Variants in PDZD2 observed in about 807,000 individuals in gnomAD.
PDZD2 encodes the protein PDZ domain containing 2.
Under a neutral mutation model 220.7 loss-of-function variants are expected in PDZD2, and 90 were observed. That is an observed-to-expected ratio of 0.41 (90% CI 0.34 to 0.49). The LOEUF is 0.49. Among genes scored for constraint, PDZD2 ranks in the 20% least tolerant of loss-of-function variants. PDZD2 has a pLI of 0.28. For synonymous variants in PDZD2, 1,375 were observed against 1,450.5 expected (o/e 0.95, Z 1.18); for missense variants, 3,174 against 3,608.5 (o/e 0.88, Z 3.08).
chr5:31,916,459 G>A (rs1743687348), intron 2 of PDZD2, among the ~76,000 whole-genome samples: 1 of 152,258 alleles, frequency 6.6e-6, no homozygotes, highest in Non-Finnish European at 1.5e-5. Context: ...GACAGTGCCT[G>A]TTCATCTTTT....
At chr5:31,945,578 G>C (rs1456595828) in intron 2 of PDZD2, among the ~76,000 whole-genome samples, 1 of 152,070 alleles carries the variant, frequency 6.6e-6, no homozygotes, top group African/African-American at 2.4e-5. Flanking sequence ...CCAAAATTCT[G>C]TCTTTGGGTT....
At chr5:31,959,222 C>A (rs192218575) in intron 2 of PDZD2, among the ~76,000 whole-genome samples, 1 of 150,838 alleles carries the variant, frequency 6.6e-6, no homozygotes, top group South Asian at 2.1e-4. Context: ...TGAGCCACTG[C>A]GCCTGGCAAA....
At chr5:31,788,752 T>C (rs953473289) in intron 1 of PDZD2, among the ~76,000 whole-genome samples, 8 of 152,188 alleles carry the variant, frequency 5.3e-5, no homozygotes, top group African/African-American at 1.9e-4. Flanking sequence ...TAGTTTGTAT[T>C]TGCACTGTTT....
At chr5:31,689,336 C>CATATGCATAT (rs1747009210) in intron 1 of PDZD2, among the ~76,000 whole-genome samples, 1 of 55,224 alleles carries the variant, frequency 1.8e-5, no homozygotes, top group African/African-American at 1.1e-4. Context: ...TATACATATA[C>CATATGCATAT]ATATATATAT....
intron 8 of PDZD2, among the ~76,000 whole-genome samples, chr5:32,051,946 G>A (rs1738596776): frequency 6.6e-6 from 1 of 152,136 alleles, no homozygotes; most frequent in Admixed American, 6.5e-5. Flanking sequence ...ATGGAGGCAG[G>A]GGTGACTACC....
At chr5:31,794,199 C>A (rs1010287401) in intron 1 of PDZD2, among the ~76,000 whole-genome samples, 29 of 152,072 alleles carry the variant, frequency 1.9e-4, no homozygotes, top group African/African-American at 6.5e-4. Flanking sequence ...ACCATAGTTA[C>A]CATCACAGTA....
chr5:32,068,254 CA>C (rs1561494586), intron 14 of PDZD2, among the ~76,000 whole-genome samples: 2 of 152,024 alleles, frequency 1.3e-5, no homozygotes, highest in Non-Finnish European at 2.9e-5. Flanking sequence ...CATGAAAGAC[CA>C]AGGAAGATTC....
Position 32,092,939 on chromosome 5 carries a change from A to G in PDZD2, c.7760A>G (p.Gln2587Arg), listed in dbSNP as rs1743294262. Residue 2587 changes from glutamine (Q) to arginine (R), a missense_variant, in exon 21 of 25, where the codon CAG becomes CGG. Coordinates refer to ENST00000438447, the MANE Select transcript of PDZD2 (RefSeq NM_178140.4). Reference sequence around the variant, plus strand: ...CAACTTCTAGTCTCAGCGGGGGACCAGCAAAGATTACAGTCTGTTTTATCG... The same window carrying G: ...CAACTTCTAGTCTCAGCGGGGGACCGGCAAAGATTACAGTCTGTTTTATCG... ...LDQLLVSAGD[Q>R]QRLQSVLSSV... The G allele has an allele frequency of 6.2e-7, 1 of 1,601,322 alleles. No individual in the cohort carries two copies. The highest frequency in any genetic ancestry group is 1.3e-5 in the African/African-American group (1 of 74,756).
chr5:31,768,333 G>A (rs1484168377), intron 1 of PDZD2, among the ~76,000 whole-genome samples: 1 of 152,126 alleles, frequency 6.6e-6, no homozygotes, highest in Non-Finnish European at 1.5e-5. Context: ...AGATAGATGA[G>A]GCTTCAGGGA....
chr5:31,727,262 T>A (rs759614945), intron 1 of PDZD2, among the ~76,000 whole-genome samples: 1 of 152,226 alleles, frequency 6.6e-6, no homozygotes, highest in South Asian at 2.1e-4. Context: ...ATGAGCTTGA[T>A]GGCTGCTTGA....
chr5:31,693,240 CTTTTT>C (rs10650316), intron 1 of PDZD2, among the ~76,000 whole-genome samples: 2 of 87,768 alleles, frequency 2.3e-5, no homozygotes, highest in Admixed American at 1.6e-4. Context: ...TGGGAAAGCA[CTTTTT>C]TTTTTTTTTT....
At chr5:31,883,271 AG>A (rs751572494) in intron 2 of PDZD2, among the ~76,000 whole-genome samples, 35 of 118,378 alleles carry the variant, frequency 3.0e-4, no homozygotes, top group Admixed American at 9.6e-4. Flanking sequence ...CCCAGGCTGG[AG>A]TGCAGTGGCA....
intron 1 of PDZD2, among the ~76,000 whole-genome samples, chr5:31,744,825 C>G (rs1422852264): frequency 6.6e-6 from 1 of 152,170 alleles, no homozygotes; most frequent in African/African-American, 2.4e-5. Flanking sequence ...AATCCTAGCA[C>G]TTTGGGAAGC....
intron 2 of PDZD2, among the ~76,000 whole-genome samples, chr5:31,826,644 C>A (rs112877498): frequency 0.011 from 1,624 of 151,560 alleles, 31 homozygotes; most frequent in African/African-American, 0.038. Flanking sequence ...CCACTGCACT[C>A]CAGCCCGGGT....
At chr5:31,885,992 C>T (rs192578554) in intron 2 of PDZD2, among the ~76,000 whole-genome samples, 50 of 151,964 alleles carry the variant, frequency 3.3e-4, no homozygotes, top group Non-Finnish European at 5.1e-4. Flanking sequence ...CTCTGCCTCC[C>T]GGGTTCAAGT....
chr5:32,072,316 C>T lies in PDZD2; in HGVS notation c.2724C>T (p.Ser908=), dbSNP rs201809103. The T allele has an allele frequency of 4.3e-6, 7 of 1,609,972 alleles. No homozygotes were observed. In the African/African-American group the frequency reaches 9.3e-5, roughly 21 times the overall value. Residue 908 remains serine, a splice_region_variant and synonymous_variant, in exon 17 of 25, where the codon TCC becomes TCT. Transcript: ENST00000438447. The part of the protein sequence containing the change: ...SEEGSLPPST[S]THKEPGKPRA... ...AGGGCAGCCTGCCTCCCAGCACCTC[C>T]AGTAAGCAGGGGTGCCCCAGAGGGC...
intron 1 of PDZD2, among the ~76,000 whole-genome samples, chr5:31,674,052 C>G (rs1487811218): frequency 6.6e-6 from 1 of 152,210 alleles, no homozygotes; most frequent in Non-Finnish European, 1.5e-5. Context: ...GGAGAGCCCT[C>G]AACAAGAACT....
At chr5:31,676,171 C>T (rs566645058) in intron 1 of PDZD2, among the ~76,000 whole-genome samples, 47 of 152,300 alleles carry the variant, frequency 3.1e-4, no homozygotes, top group Middle Eastern at 6.8e-3. Context: ...TTCATTCATT[C>T]ATTTATTCAT....
intron 2 of PDZD2, among the ~76,000 whole-genome samples, chr5:31,891,296 C>T (rs1374485956): frequency 1.3e-5 from 2 of 151,966 alleles, no homozygotes; most frequent in Non-Finnish European, 2.9e-5. Context: ...GCCACCATGC[C>T]CGGCTAATTT....
Sources: allele counts gnomAD v4.1 joint callset (sites outside exome capture counted in the v4.1 genomes callset), GRCh38; gene constraint gnomAD v4.1.1; transcripts MANE v1.5; gene names NCBI Gene and HGNC (gene_info 2026-07-23, HGNC 2026-07-21).